The following GRID1 variants were observed in gnomAD, a reference collection of about 807,000 sequenced individuals.
GRID1 encodes the protein glutamate receptor ionotropic, delta-1.
GRID1 carries 28 observed loss-of-function variants against 98.0 expected under a neutral mutation model. That is an observed-to-expected ratio of 0.29 (90% CI 0.21 to 0.39). The LOEUF (loss-of-function observed/expected upper bound fraction) is 0.39, where lower values mean the gene tolerates loss of function less well. Ranked by LOEUF, GRID1 falls within the 10% of genes least tolerant of loss-of-function variation. The probability of loss-of-function intolerance (pLI) is 1.00; values close to 1 mark genes in which losing one functional copy is unlikely to be tolerated. For synonymous variants in GRID1, 553 were observed against 538.5 expected (o/e 1.03, Z -0.37); for missense variants, 1,111 against 1,340.5 (o/e 0.83, Z 2.67).
chr10:85,712,882 A>C (rs1385101541), intron 12 of GRID1, among the ~76,000 whole-genome samples: 2 of 151,850 alleles, frequency 1.3e-5, no homozygotes, highest in East Asian at 3.8e-4. Context: ...ATAAAAATGG[A>C]AACACAAACA....
chr10:85,623,539 G>A (rs1043635923), intron 13 of GRID1, among the ~76,000 whole-genome samples: 1 of 152,136 alleles, frequency 6.6e-6, no homozygotes. Flanking sequence ...ACTACGGGGG[G>A]CTGGGGGGAG....
intron 4 of GRID1, among the ~76,000 whole-genome samples, chr10:86,002,505 T>C (rs1842813365): frequency 1.0e-5 from 1 of 96,550 alleles, no homozygotes; most frequent in African/African-American, 4.2e-5. Context: ...ATTCTCCATT[T>C]CCTAAGTATC....
rs533421965 is a variant in GRID1, at chr10:86,080,997, G to A, written c.726+57822C>T. Reference sequence around the variant, plus strand: ...CAGAAAAAGCCCCAGACACAGAGAGGCAGATGCTGCAGAGCCCACTGACAA... The same window carrying A: ...CAGAAAAAGCCCCAGACACAGAGAGACAGATGCTGCAGAGCCCACTGACAA... On this transcript the variant is annotated intron_variant, in intron 4 of 15. Coordinates refer to ENST00000327946, the MANE Select transcript of GRID1 (RefSeq NM_017551.3). Among the ~76,000 whole-genome samples the A allele has an allele frequency of 7.2e-5, 11 of 152,250 alleles. No homozygotes were observed. The East Asian group carries it at 1.7e-3, about 24-fold the overall frequency.
chr10:86,219,164 T>A (rs1846217004), intron 2 of GRID1, among the ~76,000 whole-genome samples: 2 of 152,160 alleles, frequency 1.3e-5, no homozygotes, highest in Admixed American at 6.5e-5. Flanking sequence ...TGTCACCTGG[T>A]GGGGACCAAG....
chr10:85,939,928 A>C (rs886786951), intron 4 of GRID1, among the ~76,000 whole-genome samples: 4 of 152,020 alleles, frequency 2.6e-5, no homozygotes, highest in Non-Finnish European at 5.9e-5. Context: ...TTAGCTGGGC[A>C]TGGTGGTGCA....
intron 12 of GRID1, among the ~76,000 whole-genome samples, chr10:85,665,760 C>A (rs1841012749): frequency 6.6e-6 from 1 of 152,166 alleles, no homozygotes; most frequent in South Asian, 2.1e-4. Flanking sequence ...TAAACGCCTG[C>A]CACCCCTGCA....
At chr10:86,074,614 G>T (rs1272721116) in intron 4 of GRID1, among the ~76,000 whole-genome samples, 1 of 152,172 alleles carries the variant, frequency 6.6e-6, no homozygotes, top group East Asian at 1.9e-4. Context: ...GGACACTTAG[G>T]TTGATTCCAC....
chr10:85,925,668 C>T (rs1841764484), intron 4 of GRID1, among the ~76,000 whole-genome samples: 1 of 152,218 alleles, frequency 6.6e-6, no homozygotes, highest in African/African-American at 2.4e-5. Context: ...CTCCAGGGAC[C>T]ACAGCACCAG....
chr10:85,843,434 C>G (rs1258336060), intron 8 of GRID1, among the ~76,000 whole-genome samples: 1 of 152,012 alleles, frequency 6.6e-6, no homozygotes, highest in African/African-American at 2.4e-5. Flanking sequence ...AAAATTGATA[C>G]ACTTAGCCTC....
chr10:85,934,451 CACACAG>C (rs1841900118), intron 4 of GRID1, among the ~76,000 whole-genome samples: 1 of 139,652 alleles, frequency 7.2e-6, no homozygotes, highest in Non-Finnish European at 1.5e-5. Context: ...CACACACACA[CACACAG>C]AGCAAAGATA....
intron 8 of GRID1, among the ~76,000 whole-genome samples, chr10:85,791,697 G>A (rs1386666645): frequency 6.6e-6 from 1 of 152,088 alleles, no homozygotes; most frequent in Non-Finnish European, 1.5e-5. Context: ...ATCTCTTAGG[G>A]GAAAAAAGAT....
At chr10:86,315,216 G>A (rs1847882108) in intron 2 of GRID1, among the ~76,000 whole-genome samples, 1 of 152,116 alleles carries the variant, frequency 6.6e-6, no homozygotes, top group African/African-American at 2.4e-5. Context: ...ACATTGCCTT[G>A]TGGAGACCCC....
At chr10:85,961,250 G>A in intron 4 of GRID1, among the ~76,000 whole-genome samples, 1 of 152,162 alleles carries the variant, frequency 6.6e-6, no homozygotes, top group Non-Finnish European at 1.5e-5. Context: ...ATGCGGCACT[G>A]GGTTCTCCTC....
At position 86,134,301 on chromosome 10, in the gene GRID1, A is replaced by G. The variant is rs571461616; in HGVS notation, c.726+4518T>C. Reference sequence around the variant, plus strand: ...GTTCCTCATCCATAGGAGGCTCCCAATTGGTACTTGCTGGGTGAGTAAGTG... The same window carrying G: ...GTTCCTCATCCATAGGAGGCTCCCAGTTGGTACTTGCTGGGTGAGTAAGTG... On this transcript the variant is annotated intron_variant, in intron 4 of 15. Coordinates refer to ENST00000327946, the MANE Select transcript of GRID1 (RefSeq NM_017551.3). 1.8e-4 allele frequency among the ~76,000 whole-genome samples: 27 copies of G among 152,338 alleles called. No homozygotes were observed. In the East Asian group the frequency reaches 4.1e-3, roughly 23 times the overall value.
chr10:85,905,606 T>C (rs957770629), intron 5 of GRID1, among the ~76,000 whole-genome samples: 2 of 152,098 alleles, frequency 1.3e-5, no homozygotes, highest in Admixed American at 6.5e-5. Flanking sequence ...AACAATTACA[T>C]TGAGTCGGGA....
chr10:86,177,332 C>A (rs1845589438), intron 3 of GRID1, among the ~76,000 whole-genome samples: 2 of 152,152 alleles, frequency 1.3e-5, no homozygotes, highest in Admixed American at 1.3e-4. Context: ...AAACCCTGCT[C>A]AACATTCAAC....
intron 4 of GRID1, among the ~76,000 whole-genome samples, chr10:86,136,655 C>T (rs989847109): frequency 2.6e-5 from 4 of 152,214 alleles, no homozygotes; most frequent in African/African-American, 7.2e-5. Flanking sequence ...TAATGACAGG[C>T]GCATGAGAAC....
At chr10:85,715,722 T>C (rs1421241354) in intron 12 of GRID1, among the ~76,000 whole-genome samples, 1 of 152,094 alleles carries the variant, frequency 6.6e-6, no homozygotes, top group African/African-American at 2.4e-5. Flanking sequence ...CAAGTGATGA[T>C]GAGAATATGG....
At chr10:85,948,253 C>T (rs931154102) in intron 4 of GRID1, among the ~76,000 whole-genome samples, 1 of 152,180 alleles carries the variant, frequency 6.6e-6, no homozygotes, top group Non-Finnish European at 1.5e-5. Context: ...ATTGTTTAAT[C>T]ATCTAAAATT....
Sources: allele counts gnomAD v4.1 joint callset (sites outside exome capture counted in the v4.1 genomes callset), GRCh38; gene constraint gnomAD v4.1.1; transcripts MANE v1.5; gene names NCBI Gene and HGNC (gene_info 2026-07-23, HGNC 2026-07-21).